RALGAPA1: variants seen among roughly 807,000 people sequenced by gnomAD.
RALGAPA1 encodes the protein ral GTPase-activating protein subunit alpha-1.
A neutral mutation model predicts 269.6 loss-of-function variants in RALGAPA1; 52 were observed. The observed-to-expected ratio is 0.19, with a 90% confidence interval of 0.15 to 0.24. The LOEUF is 0.24. Ranked by LOEUF, RALGAPA1 falls within the 10% of genes least tolerant of loss-of-function variation. The probability of loss-of-function intolerance (pLI) is 1.00; values close to 1 mark genes in which losing one functional copy is unlikely to be tolerated. For synonymous variants in RALGAPA1, 817 were observed against 1,008.3 expected (o/e 0.81, Z 3.60); for missense variants, 1,917 against 3,013.9 (o/e 0.64, Z 8.52).
intron 12 of RALGAPA1, among the ~76,000 whole-genome samples, chr14:35,730,086 T>A (rs1005426638): frequency 6.6e-6 from 1 of 152,034 alleles, no homozygotes; most frequent in East Asian, 1.9e-4. Flanking sequence ...AAGTGGGAAA[T>A]GGAGATCCTT....
At chr14:35,618,169 A>G (rs896043474) in intron 35 of RALGAPA1, among the ~76,000 whole-genome samples, 1 of 152,192 alleles carries the variant, frequency 6.6e-6, no homozygotes. Context: ...TTCTAAAAAC[A>G]TAACAGGAAC....
Position 35,570,637 on chromosome 14 carries a change from C to G in RALGAPA1, c.7476G>C (p.Leu2492=). 6.2e-7 allele frequency: 1 copy of G among 1,604,464 alleles called. No individual in the cohort carries two copies. Among genetic ancestry groups the G allele is most frequent in the Non-Finnish European group, 8.5e-7 (1 of 1,177,296 alleles). ...GATACAAGTTTTGATACAATGGAAT[C>G]AGAGATTTCAGAGCACGGCTTGCAT... is the stretch of plus-strand genomic sequence containing the variant. ...AINASRALKS[L]IPLYQNFYEE... is the part of the protein sequence containing the mutation. Residue 2492 remains leucine, a synonymous_variant, in exon 39 of 42, where the codon CTG becomes CTC. Coordinates refer to ENST00000680220, the MANE Select transcript of RALGAPA1 (RefSeq NM_001346249.2).
intron 1 of RALGAPA1, among the ~76,000 whole-genome samples, chr14:35,798,988 G>A (rs2076771770): frequency 7.1e-6 from 1 of 140,934 alleles, no homozygotes. Context: ...ACAGCTGTCT[G>A]TGTCAAAAAA....
chr14:35,717,930 C>T (rs921609922), intron 16 of RALGAPA1, among the ~76,000 whole-genome samples: 2 of 152,136 alleles, frequency 1.3e-5, no homozygotes, highest in African/African-American at 4.8e-5. Context: ...ACGCTCTCTT[C>T]TTTCCTTACT....
In RALGAPA1 at chr14:35,742,645, C is replaced by T. The variant is rs561852524; in HGVS notation, c.1252-80G>A. ...ACTAACGCAGTAATGTTTTTCACAT[C>T]ACATCATAGATTCTTGGAAACTGCA... is the stretch of plus-strand genomic sequence containing the variant. On this transcript the variant is annotated intron_variant, in intron 10 of 41. Coordinates refer to ENST00000680220, the MANE Select transcript of RALGAPA1 (RefSeq NM_001346249.2). The T allele has an allele frequency of 1.4e-5, 14 of 973,310 alleles. No homozygotes were observed. The African/African-American group carries it at 2.0e-4, about 14-fold the overall frequency. 60.3% of individuals were successfully genotyped at this position (973,310 alleles called of 1,614,324 possible).
intron 1 of RALGAPA1, among the ~76,000 whole-genome samples, chr14:35,783,258 G>C (rs2141662583): frequency 6.6e-6 from 1 of 152,180 alleles, no homozygotes; most frequent in African/African-American, 2.4e-5. Flanking sequence ...TTACACTGAT[G>C]ATCAACTGAT....
At chr14:35,738,313 A>C (rs2071222176) in intron 12 of RALGAPA1, among the ~76,000 whole-genome samples, 200 bp downstream of exon 12, 1 of 152,040 alleles carries the variant, frequency 6.6e-6, no homozygotes, top group Non-Finnish European at 1.5e-5. Context: ...AATTTATATA[A>C]CATTTAAAAT....
intron 36 of RALGAPA1, among the ~76,000 whole-genome samples, chr14:35,602,615 C>T (rs146221644): frequency 2.0e-5 from 3 of 152,142 alleles, no homozygotes; most frequent in Non-Finnish European, 2.9e-5. Context: ...TCTTTTCTGG[C>T]GAAATGTCTA....
chr14:35,651,065 C>T (rs968116994), intron 31 of RALGAPA1, among the ~76,000 whole-genome samples: 1 of 151,928 alleles, frequency 6.6e-6, no homozygotes. Context: ...TGTATAATGT[C>T]AGGCATATAA....
At position 35,658,456 on chromosome 14, in the gene RALGAPA1, T is replaced by C. The variant is rs186009329; in HGVS notation, c.5387+682A>G. ...GCAGAGATGTAGATCTGAGGAGTAG[T>C]AGCACAGACCAATATTGTAGCAAAT... On this transcript the variant is annotated intron_variant, in intron 28 of 41. Coordinates refer to ENST00000680220, the MANE Select transcript of RALGAPA1 (RefSeq NM_001346249.2). Among the ~76,000 whole-genome samples, 150 of 152,194 alleles carry C rather than the reference T, an allele frequency of 9.9e-4. 2 individuals are homozygous for C. The highest frequency in any genetic ancestry group is 5.6e-3 in the Admixed American group (86 of 15,284).
chr14:35,616,012 T>C (rs2060228559), intron 35 of RALGAPA1, among the ~76,000 whole-genome samples: 1 of 152,020 alleles, frequency 6.6e-6, no homozygotes. Flanking sequence ...TAAAACTGTC[T>C]TGGAAAGAAG....
At chr14:35,804,911 A>C (rs771741907) in intron 1 of RALGAPA1, among the ~76,000 whole-genome samples, 1 of 152,198 alleles carries the variant, frequency 6.6e-6, no homozygotes, top group Non-Finnish European at 1.5e-5. Flanking sequence ...CCAGAGTGAC[A>C]GAAGACCCTG....
intron 10 of RALGAPA1, among the ~76,000 whole-genome samples, chr14:35,747,801 G>A (rs1251267515): frequency 3.3e-5 from 5 of 152,132 alleles, no homozygotes; most frequent in Admixed American, 6.6e-5. Context: ...GTTTTCATAA[G>A]GTTTCTCTTC....
At chr14:35,668,887 A>AT (rs975434554) in intron 26 of RALGAPA1, among the ~76,000 whole-genome samples, 41 of 150,818 alleles carry the variant, frequency 2.7e-4, no homozygotes, top group Middle Eastern at 3.4e-3. Flanking sequence ...TATCTCAATG[A>AT]TTTTTTTTTT....
chr14:35,640,769 C>T (rs1594931463), intron 31 of RALGAPA1, among the ~76,000 whole-genome samples: 1 of 152,000 alleles, frequency 6.6e-6, no homozygotes, highest in Admixed American at 6.6e-5. Context: ...AAATAAAAGA[C>T]ATCAACAAAA....
chr14:35,710,805 A>G (rs1478712743), intron 16 of RALGAPA1, among the ~76,000 whole-genome samples: 1 of 152,206 alleles, frequency 6.6e-6, no homozygotes, highest in Non-Finnish European at 1.5e-5. Context: ...ATATGCTTAC[A>G]CAAATATTTA....
At chr14:35,661,680 A>G (rs2063546335) in intron 27 of RALGAPA1, among the ~76,000 whole-genome samples, 1 of 152,156 alleles carries the variant, frequency 6.6e-6, no homozygotes, top group Non-Finnish European at 1.5e-5. Context: ...TCAGTCATAC[A>G]ACGTAAGTTC....
At chr14:35,585,025 A>C (rs1433459020) in intron 37 of RALGAPA1, among the ~76,000 whole-genome samples, 1 of 152,210 alleles carries the variant, frequency 6.6e-6, no homozygotes, top group Admixed American at 6.5e-5. Context: ...AGCAGGAGTA[A>C]CTATATTAAT....
chr14:35,738,264 TA>T (rs932519706), intron 12 of RALGAPA1, among the ~76,000 whole-genome samples: 66 of 151,674 alleles, frequency 4.4e-4, no homozygotes, highest in African/African-American at 1.9e-4. Context: ...GAATGGCTAA[TA>T]AAAAAAATCA....
Sources: allele counts gnomAD v4.1 joint callset (sites outside exome capture counted in the v4.1 genomes callset), GRCh38; gene constraint gnomAD v4.1.1; transcripts MANE v1.5; gene names NCBI Gene and HGNC (gene_info 2026-07-23, HGNC 2026-07-21).